Variants in ZNF200 observed in about 807,000 individuals in gnomAD.
ZNF200 encodes zinc finger protein 200.
A neutral mutation model predicts 33.6 loss-of-function variants in ZNF200; 35 were observed. The ratio of observed to expected loss-of-function variants is 1.04; its 90% CI spans 0.80 to 1.38. The LOEUF is 1.38. Among genes scored for constraint, ZNF200 ranks in the 40% most tolerant of loss-of-function variants. ZNF200 has a pLI of 0.00. For synonymous variants in ZNF200, 209 were observed against 167.7 expected (o/e 1.25, Z -1.90); for missense variants, 592 against 470.6 (o/e 1.26, Z -2.39).
Position 3,233,841 on chromosome 16 carries a change from A to G in ZNF200, c.-81-5T>C. 6.6e-7 allele frequency: 1 copy of G among 1,514,906 alleles called. No homozygotes were observed. The highest frequency in any genetic ancestry group is 8.8e-7 in the Non-Finnish European group (1 of 1,133,492). The allele number at this position is 1,514,906 out of a possible 1,614,324, so 93.8% of individuals were successfully genotyped here. On this transcript the variant is annotated splice_polypyrimidine_tract_variant and splice_region_variant and intron_variant, in intron 1 of 4. Coordinates refer to ENST00000414144, the MANE Select transcript of ZNF200 (RefSeq NM_198088.3). ...GAAATCTGCCAGAGAGCCAAGCTGT[A>G]GACAGAGAAACCAGGGATTACCCAA...
chr16:3,225,098 A>C (rs1958433150), intron 4 of ZNF200: 2 of 153,118 alleles, frequency 1.3e-5, no homozygotes, highest in Non-Finnish European at 2.9e-5. Context: ...ACAATGAGAA[A>C]ATTGAAACAA....
rs1008398464 is a variant in ZNF200 at position 3,223,245 on chromosome 16, G to C, written c.*647C>G. ...AGACACCTAAATTATGTTGTGAAAA[G>C]GAATCTGTAAAAGTCAGTTTTATCA... On this transcript the variant is annotated 3_prime_UTR_variant, in exon 5 of 5. Coordinates refer to ENST00000414144, the MANE Select transcript of ZNF200 (RefSeq NM_198088.3). 6 of 152,212 alleles carry C rather than the reference G, an allele frequency of 3.9e-5. No individual in the cohort carries two copies. The highest frequency in any genetic ancestry group is 1.2e-4 in the African/African-American group (5 of 41,426). The allele number at this position is 152,212 out of a possible 1,614,324, so 9.4% of individuals were successfully genotyped here.
intron 2 of ZNF200, 106 bp downstream of exon 2, chr16:3,233,400 T>C: frequency 7.0e-7 from 1 of 1,423,170 alleles, no homozygotes; most frequent in Non-Finnish European, 9.2e-7. Context: ...TGACTCCTTT[T>C]CCAATATACA....
chr16:3,232,320 T>A lies in ZNF200; in HGVS notation c.466+101A>T, dbSNP rs112897702. ...GTAAAATAAAATGTGTGTGTGCACATAGGCTTACCAGGTGTGAATCGTCCC... is the reference window on the plus strand; with the variant it reads ...GTAAAATAAAATGTGTGTGTGCACAAAGGCTTACCAGGTGTGAATCGTCCC... On this transcript the variant is annotated intron_variant, in intron 4 of 4. Transcript: ENST00000414144. The A allele has an allele frequency of 1.8e-3, 2,348 of 1,330,658 alleles. 37 individuals are homozygous for A. In the African/African-American group the frequency reaches 0.03, roughly 17 times the overall value. 82.4% of individuals were successfully genotyped at this position (1,330,658 alleles called of 1,614,324 possible).
rs1486547365 is a variant in ZNF200, at chr16:3,222,812, A to G, written c.*1080T>C. ...AGGCTGAAGACAATTAATACCCACT[A>G]CAATGAAGACACCTGGAAACCTGTC... On this transcript the variant is annotated 3_prime_UTR_variant, in exon 5 of 5. Coordinates refer to ENST00000414144, the MANE Select transcript of ZNF200 (RefSeq NM_198088.3). 1 of 152,234 alleles carries G rather than the reference A, an allele frequency of 6.6e-6. No homozygotes were observed. The highest frequency in any genetic ancestry group is 2.4e-5 in the African/African-American group (1 of 41,452). 9.4% of individuals were successfully genotyped at this position (152,234 alleles called of 1,614,324 possible).
intron 2 of ZNF200, among the ~76,000 whole-genome samples, chr16:3,233,198 C>T (rs1958691378): frequency 1.3e-5 from 2 of 152,148 alleles, no homozygotes; most frequent in Admixed American, 1.3e-4. Flanking sequence ...TGTGAAGATG[C>T]CCAGAAAAAG....
chr16:3,225,607 G>T (rs1958447403), intron 4 of ZNF200: 2 of 152,092 alleles, frequency 1.3e-5, no homozygotes, highest in Non-Finnish European at 1.5e-5. Flanking sequence ...GTCCATTTTG[G>T]GTGGTGCTTA....
At chr16:3,228,749 C>T (rs574359001) in intron 4 of ZNF200, among the ~76,000 whole-genome samples, 1 of 152,054 alleles carries the variant, frequency 6.6e-6, no homozygotes, top group Non-Finnish European at 1.5e-5. Context: ...TATCACCCGC[C>T]TTTGCCTCCC....
chr16:3,231,874 C>A (rs929283889), intron 4 of ZNF200, among the ~76,000 whole-genome samples: 7 of 152,138 alleles, frequency 4.6e-5, no homozygotes, highest in Admixed American at 1.3e-4. Flanking sequence ...TGTAAGGTGG[C>A]AGTAATTTCT....
In ZNF200 at chr16:3,223,973, A is replaced by T. The variant is rs1567215399; in HGVS notation, c.1107T>A (p.Cys369Ter). ...TTGACAGCCGACCAAATCTTCTCCC[A>T]CATTTTTTGCAACCATATGGTCTCT... ...EAERPYGCKK[C>*]GRRFGRLSNC... Residue 369 changes from cysteine to a stop codon, truncating the protein, a stop_gained, in exon 5 of 5, where the codon TGT (cysteine) becomes TGA (stop). Transcript: ENST00000414144. LOFTEE classifies it high-confidence loss of function. 3 of 1,614,148 alleles carry T rather than the reference A, an allele frequency of 1.9e-6. No homozygotes were observed. The South Asian group carries it at 3.3e-5, about 18-fold the overall frequency.
At chr16:3,224,816 C>A (rs1318069820) in intron 4 of ZNF200, 1 of 596,182 alleles carries the variant, frequency 1.7e-6, no homozygotes, top group South Asian at 2.4e-5. Context: ...TGCAAGCACA[C>A]TTTAAAGAAA....
At chr16:3,224,839 G>A (rs148936165) in intron 4 of ZNF200, 16,061 of 543,778 alleles carry the variant, frequency 0.03, 307 homozygotes, top group Middle Eastern at 0.041. Context: ...AAATGAGTGG[G>A]ATTTCACTGA....
rs779162806 is a variant in ZNF200, at chr16:3,224,379, T to C, written c.701A>G (p.Tyr234Cys). ...AAGGGCAATAATACTGATGTCTACA[T>C]ATTTTGAGAGTTCCTCTAGAGGAGT... ...NDTPLEELSK[Y>C]VDISIIALTR... The change falls in exon 5 of 5, where the codon TAT (tyrosine) becomes TGT (cysteine). Residue 234 changes from tyrosine (Y) to cysteine (C), a missense_variant. By Grantham distance (194) the Tyr-to-Cys change is radical. Transcript: ENST00000414144. 2 of 1,614,232 alleles carry C rather than the reference T, an allele frequency of 1.2e-6. No homozygotes were observed. Among genetic ancestry groups the C allele is most frequent in the Admixed American group, 1.7e-5 (1 of 60,018 alleles).
At position 3,233,591 on chromosome 16, in the gene ZNF200, G is replaced by A. The variant is rs762757189; in HGVS notation, c.165C>T (p.Pro55=). 7.4e-6 allele frequency: 12 copies of A among 1,612,982 alleles called. No individual in the cohort carries two copies. Among genetic ancestry groups the A allele is most frequent in the East Asian group, 4.5e-5 (2 of 44,884 alleles). The change falls in exon 2 of 5, where the codon CCC becomes CCT. Residue 55 remains proline (P), a synonymous_variant. Coordinates refer to ENST00000414144, the MANE Select transcript of ZNF200 (RefSeq NM_198088.3). ...GACTGGGCTGGACCAGGCTTGGCTT[G>A]GGCAAGAAGGTGAGGAAGTGCTCCA... is the stretch of plus-strand genomic sequence containing the variant. ...LVLEHFLTFL[P]KPSLVQPSQK...
chr16:3,232,688 G>T, intron 3 of ZNF200, 141 bp from the exon 4 acceptor site: 2 of 1,433,088 alleles, frequency 1.4e-6, no homozygotes, highest in Non-Finnish European at 1.9e-6. Context: ...AGCAAAGACA[G>T]GACAGCCAGG....
In ZNF200 at chr16:3,222,581, CAT is replaced by C. The variant is rs1485046628; in HGVS notation, c.*1309_*1310del. The C allele has an allele frequency of 6.6e-6, 1 of 152,138 alleles. No individual in the cohort carries two copies. Among genetic ancestry groups the C allele is most frequent in the Non-Finnish European group, 1.5e-5 (1 of 68,014 alleles). The allele number at this position is 152,138 out of a possible 1,614,324, so 9.4% of individuals were successfully genotyped here. A position where few individuals can be genotyped will look rare whatever the true frequency, so the allele number is the denominator to read the frequency against. On this transcript the variant is annotated 3_prime_UTR_variant, in exon 5 of 5. Transcript: ENST00000414144. ...TATAATACTCTAATAAATAGAAAGGCATGTTTCTGGATGGGAAACATACACTA... is the reference window on the plus strand; with the variant it reads ...TATAATACTCTAATAAATAGAAAGGCGTTTCTGGATGGGAAACATACACTA...
chr16:3,230,170 T>C (rs186948856), intron 4 of ZNF200, among the ~76,000 whole-genome samples: 1 of 152,362 alleles, frequency 6.6e-6, no homozygotes, highest in East Asian at 1.9e-4. Context: ...AGTAGTTTCT[T>C]GAAGCCCTCA....
chr16:3,224,744 C>T (rs1958424586), intron 4 of ZNF200, 131 bp from the exon 5 acceptor site: 21 of 1,167,394 alleles, frequency 1.8e-5, no homozygotes, highest in Non-Finnish European at 2.1e-5. Flanking sequence ...TGCCGTCGCA[C>T]TCCTTTTCCA....
chr16:3,224,279 G>A lies in ZNF200; in HGVS notation c.801C>T (p.Leu267=). 6.2e-7 allele frequency: 1 copy of A among 1,614,138 alleles called. No individual in the cohort carries two copies. The highest frequency in any genetic ancestry group is 1.1e-5 in the South Asian group (1 of 91,082). ...CAGTGTGGGTCCTCTGGTGGGAAAT[G>A]AGGTAAGAACTTTCATTAAACTGTT... ...CGKQFNESSY[L]ISHQRTHTGE... Residue 267 remains leucine (L), a synonymous_variant, in exon 5 of 5, where the codon CTC becomes CTT. Transcript: ENST00000414144.
Sources: gnomAD v4.1 joint callset for allele counts (sites outside exome capture counted in the v4.1 genomes callset) on GRCh38, gnomAD v4.1.1 for gene constraint, MANE v1.5 for transcripts, NCBI Gene and HGNC (gene_info 2026-07-23, HGNC 2026-07-21) for gene names.